The following UNC79 variants were observed in gnomAD, a reference collection of about 807,000 sequenced individuals.
The protein encoded by UNC79 is unc-79 subunit of NALCN channel complex.
Under a neutral mutation model 283.1 loss-of-function variants are expected in UNC79, and 37 were observed. That is an observed-to-expected ratio of 0.13 (90% CI 0.10 to 0.17). The LOEUF is 0.17. Among genes scored for constraint, UNC79 ranks in the 10% least tolerant of loss-of-function variants. The probability of loss-of-function intolerance (pLI) is 1.00; values close to 1 mark genes in which losing one functional copy is unlikely to be tolerated. For missense variants in UNC79, 2,272 were observed against 3,211.1 expected (o/e 0.71, Z 7.07); for synonymous variants, 1,107 against 1,200.2 (o/e 0.92, Z 1.61).
intron 30 of UNC79, among the ~76,000 whole-genome samples, chr14:93,629,473 T>C (rs2067849200): frequency 1.3e-5 from 2 of 152,292 alleles, no homozygotes; most frequent in South Asian, 4.1e-4. Flanking sequence ...TTAACATTAG[T>C]CATTATGCTT....
intron 25 of UNC79, 58 bp from the exon 26 acceptor site, chr14:93,603,181 T>G: frequency 6.4e-7 from 1 of 1,569,236 alleles, no homozygotes; most frequent in Admixed American, 1.9e-5. Flanking sequence ...TTAGACTAGG[T>G]GGATTACAAA....
chr14:93,601,238 T>C (rs1331181721), intron 25 of UNC79, among the ~76,000 whole-genome samples: 2 of 152,114 alleles, frequency 1.3e-5, no homozygotes, highest in Non-Finnish European at 2.9e-5. Context: ...TGTAGTCTTT[T>C]ATCCCTCACC....
chr14:93,431,480 C>A (rs1014746743), intron 1 of UNC79, among the ~76,000 whole-genome samples: 2 of 151,874 alleles, frequency 1.3e-5, no homozygotes, highest in Admixed American at 1.3e-4. Flanking sequence ...ATGCCCAGTT[C>A]TTGGTGCTGG....
intron 7 of UNC79, among the ~76,000 whole-genome samples, chr14:93,520,869 C>T (rs772816498): frequency 2.6e-5 from 4 of 152,046 alleles, no homozygotes; most frequent in Non-Finnish European, 4.4e-5. Context: ...ACTACTTCAT[C>T]TCCACAGTTT....
chr14:93,466,713 A>G (rs2057199497), intron 1 of UNC79, among the ~76,000 whole-genome samples: 1 of 152,224 alleles, frequency 6.6e-6, no homozygotes, highest in South Asian at 2.1e-4. Flanking sequence ...CATACCACCT[A>G]AAAGGCTCCC....
chr14:93,443,223 C>CTAAATAAATAAATAAATAAATAAA (rs58351659), intron 1 of UNC79, among the ~76,000 whole-genome samples: 1 of 144,644 alleles, frequency 6.9e-6, no homozygotes. Flanking sequence ...GAGTCAGTCT[C>CTAAATAAATAAATAAATAAATAAA]TAAATAAATA....
chr14:93,419,951 T>G (rs1486644283), intron 1 of UNC79, among the ~76,000 whole-genome samples: 1 of 151,340 alleles, frequency 6.6e-6, no homozygotes, highest in Non-Finnish European at 1.5e-5. Flanking sequence ...AATAACCTAA[T>G]CACTCTCTAT....
At chr14:93,350,288 TAAA>T (rs2139910722) in intron 1 of UNC79, among the ~76,000 whole-genome samples, 1 of 152,040 alleles carries the variant, frequency 6.6e-6, no homozygotes, top group East Asian at 1.9e-4. Context: ...TTAAAAAAGG[TAAA>T]AAGAAAATAG....
chr14:93,562,075 G>A (rs562172726), intron 14 of UNC79, among the ~76,000 whole-genome samples: 3 of 152,150 alleles, frequency 2.0e-5, no homozygotes, highest in Non-Finnish European at 2.9e-5. Flanking sequence ...GGGAAGTAGT[G>A]GGGAGTACTT....
At chr14:93,410,564 T>TGAGGAGA (rs962964057) in intron 1 of UNC79, among the ~76,000 whole-genome samples, 1 of 152,044 alleles carries the variant, frequency 6.6e-6, no homozygotes, top group Non-Finnish European at 1.5e-5. Context: ...TCCTTCCACG[T>TGAGGAGA]GAGGAGAGAG....
chr14:93,359,814 G>A (rs548598361), intron 1 of UNC79, among the ~76,000 whole-genome samples: 16 of 152,238 alleles, frequency 1.1e-4, no homozygotes, highest in African/African-American at 3.1e-4. Context: ...AGGGGAGGCC[G>A]GGTCTCTTTG....
chr14:93,362,267 GTTC>G (rs534238333), intron 1 of UNC79, among the ~76,000 whole-genome samples: 408 of 152,266 alleles, frequency 2.7e-3, no homozygotes, highest in Non-Finnish European at 4.5e-3. Flanking sequence ...ACTAGTACCA[GTTC>G]TTCTTTATAT....
At chr14:93,385,462 G>T (rs1276883007) in intron 1 of UNC79, among the ~76,000 whole-genome samples, 5 of 151,696 alleles carry the variant, frequency 3.3e-5, no homozygotes. Context: ...TTCTTTTTCA[G>T]ATTTTTCACT....
chr14:93,565,252 G>A (rs2062806811), intron 14 of UNC79, among the ~76,000 whole-genome samples: 1 of 152,100 alleles, frequency 6.6e-6, no homozygotes, highest in Non-Finnish European at 1.5e-5. Flanking sequence ...GTTGGGTTGG[G>A]GCTTTTGGTA....
chr14:93,680,281 G>A (rs2073739188), intron 41 of UNC79, among the ~76,000 whole-genome samples: 1 of 152,166 alleles, frequency 6.6e-6, no homozygotes, highest in African/African-American at 2.4e-5. Context: ...ATCTGCTGAA[G>A]GGAGATACAG....
intron 14 of UNC79, among the ~76,000 whole-genome samples, chr14:93,550,679 C>T (rs2141291198): frequency 6.6e-6 from 1 of 152,238 alleles, no homozygotes; most frequent in East Asian, 1.9e-4. Context: ...TTACATGACT[C>T]AGGTCCCATA....
chr14:93,370,583 T>C (rs964329720), intron 1 of UNC79, among the ~76,000 whole-genome samples: 10 of 152,102 alleles, frequency 6.6e-5, no homozygotes, highest in Non-Finnish European at 5.9e-5. Flanking sequence ...CCATCCTGGC[T>C]GACACGGTGA....
chr14:93,406,712 C>G (rs111821902), intron 1 of UNC79, among the ~76,000 whole-genome samples: 1 of 152,278 alleles, frequency 6.6e-6, no homozygotes, highest in East Asian at 1.9e-4. Context: ...GGGTTCTGCT[C>G]TAACACACAA....
intron 5 of UNC79, among the ~76,000 whole-genome samples, chr14:93,495,535 G>A (rs372597544): frequency 6.6e-6 from 1 of 152,186 alleles, no homozygotes; most frequent in Non-Finnish European, 1.5e-5. Context: ...AAGAAAAAAA[G>A]GGTGTTGACA....
Sources: gnomAD v4.1 joint callset for allele counts (sites outside exome capture counted in the v4.1 genomes callset) on GRCh38, gnomAD v4.1.1 for gene constraint, MANE v1.5 for transcripts, NCBI Gene and HGNC (gene_info 2026-07-23, HGNC 2026-07-21) for gene names.